The following MITF variants were observed in gnomAD, a reference collection of about 807,000 sequenced individuals.
MITF encodes the protein microphthalmia-associated transcription factor.
A neutral mutation model predicts 60.5 loss-of-function variants in MITF; 17 were observed. That is an observed-to-expected ratio of 0.28 (90% confidence interval 0.19 to 0.42). The LOEUF is 0.42. Among genes scored for constraint, MITF ranks in the 10% least tolerant of loss-of-function variants. The probability of loss-of-function intolerance (pLI) is 1.00; values close to 1 mark genes in which losing one functional copy is unlikely to be tolerated. For missense variants in MITF, 622 were observed against 683.5 expected, an observed-to-expected ratio of 0.91 and a Z score of 1.00; for synonymous variants, 260 against 248.5, an observed-to-expected ratio of 1.05 and a Z score of -0.43.
Position 69,948,812 on chromosome 3 carries a change from T to C in MITF, c.763-239T>C, listed in dbSNP as rs558492472. Reference sequence around the variant, plus strand: ...CTGACTGGCTAGTTAGAGTAGTCATTTTATGGGTGTGAGACTGTACTTTCC... The same window carrying C: ...CTGACTGGCTAGTTAGAGTAGTCATCTTATGGGTGTGAGACTGTACTTTCC... On this transcript the variant is annotated intron_variant, in intron 5 of 9. Coordinates refer to ENST00000352241, the MANE Select transcript of MITF (RefSeq NM_001354604.2). Among the ~76,000 whole-genome samples the C allele has an allele frequency of 4.6e-5, 7 of 152,292 alleles. 1 individual carries two copies. In the South Asian group the frequency reaches 1.5e-3, roughly 32 times the overall value.
chr3:69,879,419 T>C, intron 2 of MITF, 36 bp downstream of exon 2: 3 of 1,614,016 alleles, frequency 1.9e-6, no homozygotes, highest in Non-Finnish European at 1.7e-6. Flanking sequence ...TGGACCAAAC[T>C]CTCTTCCATT....
chr3:69,795,183 G>T, intron 1 of MITF, among the ~76,000 whole-genome samples: 1 of 152,116 alleles, frequency 6.6e-6, no homozygotes, highest in South Asian at 2.1e-4. Flanking sequence ...TTTTGATGCT[G>T]TTGTAAATAG....
At chr3:69,833,537 A>G (rs2063487977) in intron 1 of MITF, among the ~76,000 whole-genome samples, 2 of 151,864 alleles carry the variant, frequency 1.3e-5, no homozygotes, top group South Asian at 4.1e-4. Context: ...TTTACACTGT[A>G]TGTGATTGTT....
intron 1 of MITF, among the ~76,000 whole-genome samples, chr3:69,743,154 G>GGCCTCTATCTATTAGAGGCCAGTACTCCT (rs1450278218): frequency 2.6e-5 from 4 of 152,028 alleles, no homozygotes; most frequent in Non-Finnish European, 5.9e-5. Context: ...CAGCATCCCT[G>GGCCTCTATCTATTAGAGGCCAGTACTCCT]GCCTCTATCT....
At chr3:69,883,356 A>G (rs946078757) in intron 2 of MITF, among the ~76,000 whole-genome samples, 3 of 152,074 alleles carry the variant, frequency 2.0e-5, no homozygotes, top group African/African-American at 7.2e-5. Flanking sequence ...GTTGCCTCTC[A>G]TTTGTATTGA....
chr3:69,813,610 T>C (rs771491095), intron 1 of MITF, among the ~76,000 whole-genome samples: 20 of 152,216 alleles, frequency 1.3e-4, no homozygotes, highest in Non-Finnish European at 2.8e-4. Context: ...TTTCTGGAGT[T>C]ACGCAGCTTT....
At chr3:69,914,340 T>A (rs1255027524) in intron 2 of MITF, among the ~76,000 whole-genome samples, 1 of 152,210 alleles carries the variant, frequency 6.6e-6, no homozygotes, top group African/African-American at 2.4e-5. Context: ...CAGGCTGGTC[T>A]TGAACTCTTG....
intron 1 of MITF, among the ~76,000 whole-genome samples, chr3:69,853,946 C>T (rs1395694011): frequency 2.7e-5 from 4 of 150,116 alleles, no homozygotes; most frequent in African/African-American, 7.4e-5. Context: ...CTGCAACCTT[C>T]GCCTCCCATG....
chr3:69,742,945 A>C (rs887965600), intron 1 of MITF, among the ~76,000 whole-genome samples: 1 of 152,012 alleles, frequency 6.6e-6, no homozygotes, highest in Non-Finnish European at 1.5e-5. Context: ...CTACTGTATA[A>C]TTTTCCAATA....
At chr3:69,829,223 A>G (rs1053478179) in intron 1 of MITF, among the ~76,000 whole-genome samples, 5 of 152,182 alleles carry the variant, frequency 3.3e-5, no homozygotes, top group African/African-American at 1.2e-4. Context: ...TCAGCCTGTG[A>G]TGGATTTGGA....
chr3:69,846,816 C>CAAA (rs375853591), intron 1 of MITF, among the ~76,000 whole-genome samples: 34 of 100,240 alleles, frequency 3.4e-4, no homozygotes, highest in African/African-American at 8.6e-4. Context: ...GACTCTTTCT[C>CAAA]AAAAAAAAAA....
intron 1 of MITF, among the ~76,000 whole-genome samples, chr3:69,755,669 C>T (rs1189803355): frequency 6.6e-6 from 1 of 151,870 alleles, no homozygotes; most frequent in African/African-American, 2.4e-5. Flanking sequence ...AAATAGTATC[C>T]ATCTTTCTCA....
intron 1 of MITF, among the ~76,000 whole-genome samples, chr3:69,747,880 T>A (rs922646257): frequency 1.3e-5 from 2 of 152,224 alleles, no homozygotes; most frequent in Admixed American, 6.5e-5. Context: ...TTTTAATTAC[T>A]TTTTTGGTGT....
At chr3:69,823,490 C>T (rs1327073360) in intron 1 of MITF, among the ~76,000 whole-genome samples, 3 of 152,110 alleles carry the variant, frequency 2.0e-5, no homozygotes, top group Non-Finnish European at 4.4e-5. Context: ...AATAAGGGCA[C>T]TAATGCCATC....
At chr3:69,744,290 C>T (rs989698988) in intron 1 of MITF, among the ~76,000 whole-genome samples, 2 of 152,138 alleles carry the variant, frequency 1.3e-5, no homozygotes, top group Non-Finnish European at 2.9e-5. Flanking sequence ...CATAATAATC[C>T]ATTCTTGGCA....
At chr3:69,832,606 G>A (rs1013776868) in intron 1 of MITF, among the ~76,000 whole-genome samples, 4 of 152,084 alleles carry the variant, frequency 2.6e-5, no homozygotes, top group East Asian at 3.9e-4. Context: ...GACATTGTAC[G>A]CAATTGTTTC....
At chr3:69,958,355 G>A (rs1367339586) in intron 8 of MITF, among the ~76,000 whole-genome samples, 1 of 152,084 alleles carries the variant, frequency 6.6e-6, no homozygotes, top group African/African-American at 2.4e-5. Context: ...GCCATCTTTG[G>A]TGTTCAGACC....
intron 1 of MITF, among the ~76,000 whole-genome samples, chr3:69,830,159 A>C (rs187053861): frequency 6.6e-6 from 1 of 152,066 alleles, no homozygotes; most frequent in Non-Finnish European, 1.5e-5. Flanking sequence ...CCTTGCTTTC[A>C]TCAGGTTCTA....
intron 2 of MITF, among the ~76,000 whole-genome samples, chr3:69,907,377 C>T (rs2065123315): frequency 6.6e-6 from 1 of 152,084 alleles, no homozygotes; most frequent in South Asian, 2.1e-4. Context: ...TAATTCAGCA[C>T]AAATCTATTG....
Sources: allele counts gnomAD v4.1 joint callset (sites outside exome capture counted in the v4.1 genomes callset), GRCh38; gene constraint gnomAD v4.1.1; transcripts MANE v1.5; gene names NCBI Gene and HGNC (gene_info 2026-07-23, HGNC 2026-07-21).